CRPPA: variants seen among roughly 807,000 people sequenced by gnomAD.
CRPPA encodes CDP-L-ribitol pyrophosphorylase A.
CRPPA carries 43 observed loss-of-function variants against 52.0 expected under a neutral mutation model. The observed-to-expected ratio is 0.83, with a 90% CI of 0.65 to 1.07. The LOEUF (loss-of-function observed/expected upper bound fraction) is 1.07, where lower values mean the gene tolerates loss of function less well. CRPPA is among the 50% of genes least tolerant of loss of function. CRPPA has a pLI of 0.00. For missense variants in CRPPA, 629 were observed against 551.7 expected (o/e 1.14, Z -1.40); for synonymous variants, 250 against 203.5 (o/e 1.23, Z -1.94).
chr7:16,399,940 G>T (rs1583580497), intron 2 of CRPPA, among the ~76,000 whole-genome samples: 1 of 151,920 alleles, frequency 6.6e-6, no homozygotes, highest in African/African-American at 2.4e-5. Flanking sequence ...GTGACCATAT[G>T]TGACACGTGA....
chr7:16,268,688 C>T (rs752412986), intron 6 of CRPPA, among the ~76,000 whole-genome samples: 2 of 152,104 alleles, frequency 1.3e-5, no homozygotes, highest in African/African-American at 4.8e-5. Flanking sequence ...TTAAACAGTA[C>T]ATTTCTAGAC....
chr7:16,217,394 C>G (rs1782359681), intron 8 of CRPPA, among the ~76,000 whole-genome samples: 1 of 151,002 alleles, frequency 6.6e-6, no homozygotes, highest in African/African-American at 2.4e-5. Flanking sequence ...CTCTCCTCCT[C>G]CAAAGGAACG....
intron 2 of CRPPA, among the ~76,000 whole-genome samples, chr7:16,396,695 T>A (rs1056290005): frequency 2.0e-5 from 3 of 151,948 alleles, no homozygotes; most frequent in Non-Finnish European, 2.9e-5. Flanking sequence ...AGTCAATGAG[T>A]AGATAGAGAA....
chr7:16,093,499 T>C (rs527332272), intron 9 of CRPPA, among the ~76,000 whole-genome samples: 76 of 152,314 alleles, frequency 5.0e-4, no homozygotes, highest in African/African-American at 1.7e-3. Context: ...TGCTCTTTTC[T>C]ATCAATTTCC....
At chr7:16,098,584 C>T (rs1781977999) in intron 9 of CRPPA, among the ~76,000 whole-genome samples, 1 of 152,150 alleles carries the variant, frequency 6.6e-6, no homozygotes, top group Non-Finnish European at 1.5e-5. Context: ...ATATTTACAT[C>T]TAGTCATAAA....
intron 9 of CRPPA, among the ~76,000 whole-genome samples, chr7:16,113,178 T>C (rs1205263941): frequency 1.3e-5 from 2 of 151,936 alleles, no homozygotes; most frequent in Admixed American, 1.3e-4. Flanking sequence ...TGAAAAGCAT[T>C]GTTGAACATA....
intron 9 of CRPPA, among the ~76,000 whole-genome samples, chr7:16,099,343 AGGAAGGGGAG>A (rs1781994653): frequency 7.3e-6 from 1 of 137,930 alleles, no homozygotes; most frequent in African/African-American, 2.6e-5. Context: ...GGGAAGGGAC[AGGAAGGGGAG>A]GGAAGGGGAG....
At chr7:16,368,739 A>T (rs1786673239) in intron 3 of CRPPA, among the ~76,000 whole-genome samples, 1 of 152,310 alleles carries the variant, frequency 6.6e-6, no homozygotes, top group African/African-American at 2.4e-5. Context: ...TCACAATTTT[A>T]TTGATCTCTA....
intron 9 of CRPPA, among the ~76,000 whole-genome samples, chr7:16,108,934 C>A (rs1180568683): frequency 6.6e-6 from 1 of 151,320 alleles, no homozygotes; most frequent in African/African-American, 2.4e-5. Context: ...CAACAGCAGG[C>A]CTTAGGAGAA....
At chr7:16,210,485 A>G (rs1009104261) in intron 9 of CRPPA, 3 of 152,188 alleles carry the variant, frequency 2.0e-5, no homozygotes, top group African/African-American at 7.2e-5. Flanking sequence ...GCATTCTATG[A>G]TGTTTCCAGA....
chr7:16,147,165 C>A (rs944628830), intron 9 of CRPPA, among the ~76,000 whole-genome samples: 1 of 152,136 alleles, frequency 6.6e-6, no homozygotes, highest in Non-Finnish European at 1.5e-5. Flanking sequence ...GATTGTGAGG[C>A]CTCCCCAGCC....
chr7:16,151,826 A>T (rs997584026), intron 9 of CRPPA, among the ~76,000 whole-genome samples: 2 of 152,042 alleles, frequency 1.3e-5, no homozygotes, highest in African/African-American at 4.8e-5. Context: ...TTCTAGAAAA[A>T]TACTAGTAAA....
At chr7:16,128,788 C>G (rs867342325) in intron 9 of CRPPA, among the ~76,000 whole-genome samples, 2 of 151,906 alleles carry the variant, frequency 1.3e-5, no homozygotes, top group African/African-American at 4.8e-5. Context: ...GCAATTATAA[C>G]AGATTATGAT....
chr7:16,129,037 G>A (rs933090127), intron 9 of CRPPA, among the ~76,000 whole-genome samples: 6 of 152,152 alleles, frequency 3.9e-5, no homozygotes, highest in Admixed American at 2.0e-4. Flanking sequence ...GCATATGAGC[G>A]AAAGATTCAA....
chr7:16,387,724 G>A (rs919076489), intron 2 of CRPPA, among the ~76,000 whole-genome samples: 3 of 152,084 alleles, frequency 2.0e-5, no homozygotes, highest in South Asian at 2.1e-4. Context: ...TTCTACTTTC[G>A]ATAGTGGCTA....
At chr7:16,264,657 C>T (rs527979773) in intron 6 of CRPPA, among the ~76,000 whole-genome samples, 47 of 152,338 alleles carry the variant, frequency 3.1e-4, no homozygotes, top group African/African-American at 1.1e-3. Flanking sequence ...TGGGTCATCT[C>T]TGAGTCTGAA....
chr7:16,252,967 TA>T (rs1173868881), intron 8 of CRPPA, among the ~76,000 whole-genome samples: 3 of 152,192 alleles, frequency 2.0e-5, no homozygotes, highest in Admixed American at 1.3e-4. Flanking sequence ...TTATCATTTT[TA>T]ATTGCTTCTA....
rs756727817 is a variant in CRPPA at position 16,132,792 on chromosome 7, C to T, written c.1252-40993G>A. On this transcript the variant is annotated intron_variant, in intron 9 of 9. Coordinates refer to ENST00000407010, the MANE Select transcript of CRPPA (RefSeq NM_001101426.4). ...TAAAAAGTTAGGTATGTCATGAATG[C>T]ACAAAATATATGTAGATGCTAGTCT... Among the ~76,000 whole-genome samples, 40 of 124,364 alleles carry T rather than the reference C, an allele frequency of 3.2e-4. 11 individuals are homozygous for T. The highest frequency in any genetic ancestry group is 6.0e-4 in the Non-Finnish European group (33 of 54,778). The allele number at this position is 124,364 out of a possible 152,430, so 81.6% of individuals were successfully genotyped here.
Position 16,374,346 on chromosome 7 carries a change from A to G in CRPPA, c.684+1746T>C, listed in dbSNP as rs143029045. On this transcript the variant is annotated intron_variant, in intron 3 of 9. Transcript: ENST00000407010. ...AGGCTCTTCAGCCTTTGAAGGCTGCACTCTCAACTTCTCTACTTTTGAGGC... is the reference window on the plus strand; with the variant it reads ...AGGCTCTTCAGCCTTTGAAGGCTGCGCTCTCAACTTCTCTACTTTTGAGGC... 3.8e-3 allele frequency among the ~76,000 whole-genome samples: 571 copies of G among 152,098 alleles called. 4 individuals carry two copies. Among genetic ancestry groups the G allele is most frequent in the African/African-American group, 0.013 (551 of 41,472 alleles).
Sources: allele counts gnomAD v4.1 joint callset (sites outside exome capture counted in the v4.1 genomes callset), GRCh38; gene constraint gnomAD v4.1.1; transcripts MANE v1.5; gene names NCBI Gene and HGNC (gene_info 2026-07-23, HGNC 2026-07-21).